The following ARMC8 variants were observed in gnomAD, a reference collection of about 807,000 sequenced individuals.
ARMC8 encodes the protein armadillo repeat containing 8.
ARMC8 carries 20 observed loss-of-function variants against 99.3 expected under a neutral mutation model. That is an observed-to-expected ratio of 0.20 (90% CI 0.14 to 0.29). The LOEUF (loss-of-function observed/expected upper bound fraction) is 0.29. ARMC8 is among the 10% of genes least tolerant of loss of function. ARMC8 has a pLI of 1.00. For synonymous variants in ARMC8, 263 were observed against 278.3 expected (o/e 0.95, Z 0.55); for missense variants, 569 against 809.5 (o/e 0.70, Z 3.60).
At chr3:138,223,310 A>C (rs979843873) in intron 3 of ARMC8, 79 bp from the exon 4 acceptor site, 39 of 1,330,644 alleles carry the variant, frequency 2.9e-5, no homozygotes, top group Non-Finnish European at 3.6e-5. Context: ...TAGTATGTGG[A>C]CTGCACAGCC....
Position 138,290,540 on chromosome 3 carries a change from G to T in ARMC8, c.1895-6G>T. 6.3e-7 allele frequency: 1 copy of T among 1,593,378 alleles called. No individual in the cohort carries two copies. Among genetic ancestry groups the T allele is most frequent in the Non-Finnish European group, 8.6e-7 (1 of 1,169,456 alleles). On this transcript the variant is annotated splice_polypyrimidine_tract_variant and splice_region_variant and intron_variant, in intron 20 of 21. Transcript: ENST00000469044. ...TGTTCCCAGTAACCTGGCTTTAATCGTTTAGGTTCACAAGAACGCCAGGAT... is the reference window on the plus strand; with the variant it reads ...TGTTCCCAGTAACCTGGCTTTAATCTTTTAGGTTCACAAGAACGCCAGGAT...
intron 6 of ARMC8, among the ~76,000 whole-genome samples, chr3:138,230,445 G>GT (rs2045972508): frequency 6.6e-6 from 1 of 152,142 alleles, no homozygotes; most frequent in African/African-American, 2.4e-5. Context: ...GAGCCCAGGA[G>GT]TTTGAGACCA....
intron 1 of ARMC8, among the ~76,000 whole-genome samples, chr3:138,189,746 A>G (rs2043271086): frequency 6.6e-6 from 1 of 152,196 alleles, no homozygotes. Context: ...ATTTTCCTGT[A>G]CCCTTAACTG....
At chr3:138,276,627 G>A (rs1475793875) in intron 18 of ARMC8, among the ~76,000 whole-genome samples, 4 of 152,134 alleles carry the variant, frequency 2.6e-5, no homozygotes, top group Non-Finnish European at 5.9e-5. Flanking sequence ...TTATATACTA[G>A]CAGTGAACAA....
chr3:138,295,099 G>T (rs532114300), intron 21 of ARMC8, among the ~76,000 whole-genome samples: 10 of 152,058 alleles, frequency 6.6e-5, no homozygotes, highest in Admixed American at 2.0e-4. Context: ...GGGTTTCACC[G>T]TGTTGGCCAG....
intron 11 of ARMC8, among the ~76,000 whole-genome samples, chr3:138,243,057 C>G (rs1002879633): frequency 6.6e-6 from 1 of 152,112 alleles, no homozygotes; most frequent in African/African-American, 2.4e-5. Context: ...GACACTGTAT[C>G]TTACCAATAC....
intron 12 of ARMC8, chr3:138,246,707 T>C: frequency 1.0e-6 from 1 of 967,908 alleles, no homozygotes; most frequent in South Asian, 4.7e-5. Context: ...GTTAATAAAC[T>C]GTTTTGGAAT....
intron 16 of ARMC8, among the ~76,000 whole-genome samples, chr3:138,271,049 T>C (rs1024178149): frequency 6.6e-5 from 10 of 152,176 alleles, no homozygotes; most frequent in Non-Finnish European, 1.5e-4. Flanking sequence ...GCCTCACAGT[T>C]AATAATGGAA....
intron 16 of ARMC8, among the ~76,000 whole-genome samples, chr3:138,272,518 A>G (rs2048891832): frequency 6.6e-6 from 1 of 152,238 alleles, no homozygotes; most frequent in South Asian, 2.1e-4. Context: ...GTGATTAACA[A>G]GAATCAAGAA....
intron 1 of ARMC8, among the ~76,000 whole-genome samples, chr3:138,205,461 A>T (rs1374100307): frequency 1.3e-5 from 2 of 152,176 alleles, no homozygotes; most frequent in Non-Finnish European, 2.9e-5. Flanking sequence ...TTCAGCACTT[A>T]CCTGGAATCT....
At chr3:138,209,023 T>G (rs972345752) in intron 1 of ARMC8, among the ~76,000 whole-genome samples, 10 of 152,240 alleles carry the variant, frequency 6.6e-5, no homozygotes, top group Non-Finnish European at 8.8e-5. Context: ...TTTTTACTTC[T>G]GCCTCCAGCA....
chr3:138,277,632 C>T (rs1050132895), intron 18 of ARMC8, among the ~76,000 whole-genome samples: 1 of 152,068 alleles, frequency 6.6e-6, no homozygotes, highest in Admixed American at 6.6e-5. Flanking sequence ...TTTAGAATAG[C>T]TAAAAATTTT....
intron 21 of ARMC8, among the ~76,000 whole-genome samples, chr3:138,292,413 C>A (rs919327075): frequency 6.6e-6 from 1 of 152,166 alleles, no homozygotes; most frequent in Non-Finnish European, 1.5e-5. Flanking sequence ...AATGGAGGCA[C>A]AGAGACCAGT....
At chr3:138,291,788 T>C (rs956331388) in intron 21 of ARMC8, among the ~76,000 whole-genome samples, 2 of 151,992 alleles carry the variant, frequency 1.3e-5, no homozygotes, top group African/African-American at 4.8e-5. Context: ...TGATAGTGGG[T>C]TCAAAGGCCC....
chr3:138,214,648 A>T (rs1204857025), intron 2 of ARMC8, among the ~76,000 whole-genome samples: 2 of 152,156 alleles, frequency 1.3e-5, no homozygotes, highest in Admixed American at 6.5e-5. Flanking sequence ...CTCCTAATAC[A>T]TTTAATCAGT....
chr3:138,222,024 T>C, intron 3 of ARMC8, 27 bp downstream of exon 3: 1 of 1,571,570 alleles, frequency 6.4e-7, no homozygotes, highest in Non-Finnish European at 8.8e-7. Flanking sequence ...ACCCCTTTCT[T>C]GCCATTCATA....
chr3:138,275,622 A>G (rs1173383273), intron 18 of ARMC8, among the ~76,000 whole-genome samples: 1 of 152,048 alleles, frequency 6.6e-6, no homozygotes, highest in African/African-American at 2.4e-5. Flanking sequence ...AAACTCGCCC[A>G]AGGTCATCAG....
At chr3:138,237,640 C>T (rs1409310911) in intron 9 of ARMC8, 68 bp downstream of exon 9, 5 of 1,342,796 alleles carry the variant, frequency 3.7e-6, no homozygotes, top group Non-Finnish European at 5.2e-6. Context: ...TTTTGGACAA[C>T]CAAATTTGCT....
intron 5 of ARMC8, among the ~76,000 whole-genome samples, chr3:138,228,023 C>T (rs1232852118): frequency 6.6e-6 from 1 of 152,204 alleles, no homozygotes; most frequent in Non-Finnish European, 1.5e-5. Flanking sequence ...TCTTGTCTGT[C>T]ATCCAGGCTG....
Sources: allele counts gnomAD v4.1 joint callset (sites outside exome capture counted in the v4.1 genomes callset), GRCh38; gene constraint gnomAD v4.1.1; transcripts MANE v1.5; gene names NCBI Gene and HGNC (gene_info 2026-07-23, HGNC 2026-07-21).